Variants in MTMR14 observed in about 807,000 individuals in gnomAD.
The protein encoded by MTMR14 is phosphatidylinositol-3,5-bisphosphate 3-phosphatase MTMR14.
In MTMR14, 48 loss-of-function variants were observed where a neutral mutation model predicts 86.3. The observed-to-expected ratio is 0.56, with a 90% CI of 0.44 to 0.71. The LOEUF (loss-of-function observed/expected upper bound fraction) is 0.71. MTMR14 is among the 30% of genes least tolerant of loss of function. The probability of loss-of-function intolerance (pLI) is 0.00; values close to 1 mark genes in which losing one functional copy is unlikely to be tolerated. For synonymous variants in MTMR14, 366 were observed against 326.1 expected (o/e 1.12, Z -1.32); for missense variants, 780 against 834.6 (o/e 0.93, Z 0.81).
rs192530119 is a variant in MTMR14 at position 9,685,681 on chromosome 3, C to T, written c.1164+434C>T. ...TTTTCAATGTCAGGGTGCCCGGCAG[C>T]AGGGTCCTGCCCCTGATGGTTGCCT... On this transcript the variant is annotated intron_variant, in intron 13 of 18. Transcript: ENST00000296003. Among the ~76,000 whole-genome samples, 265 of 152,118 alleles carry T rather than the reference C, an allele frequency of 1.7e-3. 3 individuals are homozygous for T. Among genetic ancestry groups the T allele is most frequent in the Admixed American group, 0.01 (155 of 15,270 alleles).
chr3:9,688,167 A>G (rs1280004923), intron 14 of MTMR14, among the ~76,000 whole-genome samples: 1 of 152,186 alleles, frequency 6.6e-6, no homozygotes, highest in Admixed American at 6.5e-5. Flanking sequence ...TGACCAAGAA[A>G]ACAGGTGTGT....
At chr3:9,665,079 C>T (rs564302415) in intron 3 of MTMR14, among the ~76,000 whole-genome samples, 15 of 152,088 alleles carry the variant, frequency 9.9e-5, no homozygotes, top group Admixed American at 4.6e-4. Context: ...GTCAGGAGTT[C>T]GAGACCAGCC....
At position 9,701,459 on chromosome 3, in the gene MTMR14, C is replaced by T; in HGVS notation, c.1770-331C>T. On this transcript the variant is annotated intron_variant, in intron 18 of 18. Transcript: ENST00000296003. This position sits in a 1 kb window ranked among gnomAD's most constrained non-coding sequence, Gnocchi z 4.2. ...GCTGAGGTGGGAGGATGGCTTGAGG[C>T]TACAGTGAGCGCTGATTGTGTCACT... 1 of 367,940 alleles carries T rather than the reference C, an allele frequency of 2.7e-6. No homozygotes were observed. Among genetic ancestry groups the T allele is most frequent in the Non-Finnish European group, 5.2e-6 (1 of 193,326 alleles). 22.8% of individuals were successfully genotyped at this position (367,940 alleles called of 1,614,324 possible). A position where few individuals can be genotyped will look rare whatever the true frequency, so the allele number is the denominator to read the frequency against.
intron 4 of MTMR14, among the ~76,000 whole-genome samples, chr3:9,669,185 G>A (rs538152869): frequency 2.4e-4 from 37 of 152,152 alleles, no homozygotes; most frequent in African/African-American, 8.2e-4. Context: ...CAATAGTATA[G>A]GTAGGGGGTC....
At chr3:9,650,185 C>G in intron 1 of MTMR14, 1 of 374,280 alleles carries the variant, frequency 2.7e-6, no homozygotes, top group South Asian at 1.9e-5. Context: ...AGTGTGCTGC[C>G]CCCTTATAAG....
chr3:9,687,514 C>T (rs1253386771), intron 13 of MTMR14, among the ~76,000 whole-genome samples: 11 of 151,912 alleles, frequency 7.2e-5, no homozygotes, highest in Admixed American at 7.2e-4. Context: ...GAGATCACGC[C>T]ATTGCACTCC....
chr3:9,684,789 C>T, intron 11 of MTMR14, 99 bp from the exon 12 acceptor site: 1 of 1,543,540 alleles, frequency 6.5e-7, no homozygotes, highest in Non-Finnish European at 9.0e-7. Context: ...CCCTGTCCTT[C>T]CGGGTGTTCT....
At chr3:9,682,292 T>C (rs991429978) in intron 9 of MTMR14, among the ~76,000 whole-genome samples, 2 of 152,200 alleles carry the variant, frequency 1.3e-5, no homozygotes, top group Admixed American at 6.5e-5. Flanking sequence ...TTTAAATTCC[T>C]GGGAAAGCCA....
intron 13 of MTMR14, among the ~76,000 whole-genome samples, chr3:9,685,767 T>TC (rs2125282826): frequency 6.6e-6 from 1 of 152,102 alleles, no homozygotes; most frequent in African/African-American, 2.4e-5. Flanking sequence ...CAGCACTCTC[T>TC]CCCCCATGCC....
At position 9,660,261 on chromosome 3, in the gene MTMR14, C is replaced by CT. The variant is rs771078188; in HGVS notation, c.309-1994dup. Among the ~76,000 whole-genome samples the CT allele has an allele frequency of 2.4e-3, 342 of 144,486 alleles. 3 individuals are homozygous for CT. The highest frequency in any genetic ancestry group is 0.023 in the East Asian group (117 of 4,992). The allele number at this position is 144,486 out of a possible 152,430, so 94.8% of individuals were successfully genotyped here. On this transcript the variant is annotated intron_variant, in intron 2 of 18. Coordinates refer to ENST00000296003, the MANE Select transcript of MTMR14 (RefSeq NM_001077525.3). ...TTGCTGCCACCCTACGGGCACTTTG[C>CT]TTTTTTTTTTTTCCCCCAGACGGAG...
intron 6 of MTMR14, 68 bp downstream of exon 6, chr3:9,671,238 T>TA: frequency 6.2e-7 from 1 of 1,608,280 alleles, no homozygotes; most frequent in South Asian, 1.1e-5. Flanking sequence ...CTGGCGTTAG[T>TA]ATGTAGCTGT....
chr3:9,682,648 A>G (rs1000725559), intron 9 of MTMR14, among the ~76,000 whole-genome samples: 1 of 152,222 alleles, frequency 6.6e-6, no homozygotes, highest in African/African-American at 2.4e-5. Flanking sequence ...TTTATTATTC[A>G]TCAAAAGATA....
chr3:9,672,224 G>T (rs1445091600), intron 6 of MTMR14, among the ~76,000 whole-genome samples: 6 of 152,058 alleles, frequency 3.9e-5, no homozygotes, highest in Non-Finnish European at 2.9e-5. Flanking sequence ...TGATATGTTG[G>T]AATAGGGGCA....
rs2048544028 is a variant in MTMR14 at position 9,671,092 on chromosome 3, T to G, written c.599T>G (p.Ile200Ser). The change falls in exon 6 of 19, where the codon ATC becomes AGC. Residue 200 changes from isoleucine (I) to serine (S), a missense_variant. Ile to Ser is a moderately radical substitution (Grantham distance 142). Coordinates refer to ENST00000296003, the MANE Select transcript of MTMR14 (RefSeq NM_001077525.3). The part of the protein sequence containing the change: ...HLFDKVRGYD[I>S]KLLRYLSVKY... ...TTTGATAAGGTCAGAGGCTATGACA[T>G]CAAGCTGCTTCGATACCTGTCAGTC... The G allele has an allele frequency of 6.2e-7, 1 of 1,614,206 alleles. No individual in the cohort carries two copies.
intron 9 of MTMR14, among the ~76,000 whole-genome samples, chr3:9,680,009 C>A (rs1575023720): frequency 6.6e-6 from 1 of 152,130 alleles, no homozygotes; most frequent in African/African-American, 2.4e-5. Context: ...GTGCCGGTAC[C>A]CTGTTCCTTT....
chr3:9,667,413 A>T (rs898835884), intron 3 of MTMR14, among the ~76,000 whole-genome samples: 1 of 152,186 alleles, frequency 6.6e-6, no homozygotes, highest in African/African-American at 2.4e-5. Flanking sequence ...AATCCCTGGA[A>T]ATGTAAGTAG....
intron 6 of MTMR14, 81 bp downstream of exon 6, chr3:9,671,251 C>T (rs552314105): frequency 1.3e-6 from 2 of 1,594,040 alleles, no homozygotes; most frequent in Admixed American, 1.7e-5. Context: ...GTAGCTGTCA[C>T]TGCGTGCTGG....
chr3:9,691,236 T>TGAGCC (rs2076130181), intron 17 of MTMR14, among the ~76,000 whole-genome samples: 2 of 152,192 alleles, frequency 1.3e-5, no homozygotes. Flanking sequence ...GTGCTGGAGC[T>TGAGCC]GAGCCTGTGA....
intron 9 of MTMR14, among the ~76,000 whole-genome samples, chr3:9,681,454 C>T (rs938100585): frequency 6.6e-6 from 1 of 152,146 alleles, no homozygotes; most frequent in African/African-American, 2.4e-5. Context: ...GGAAAAGAGG[C>T]AACAACGTAA....
Sources: gnomAD v4.1 joint callset for allele counts (sites outside exome capture counted in the v4.1 genomes callset) on GRCh38, gnomAD v4.1.1 for gene constraint, Gnocchi (gnomAD v3.1) non-coding constraint, MANE v1.5 for transcripts, NCBI Gene and HGNC (gene_info 2026-07-23, HGNC 2026-07-21) for gene names.